The following FTO variants were observed in gnomAD, a reference collection of about 807,000 sequenced individuals.
The protein encoded by FTO is FTO alpha-ketoglutarate dependent dioxygenase.
Under a neutral mutation model 63.9 loss-of-function variants are expected in FTO, and 47 were observed. The ratio of observed to expected loss-of-function variants is 0.74; its 90% CI spans 0.58 to 0.94. The LOEUF (loss-of-function observed/expected upper bound fraction) is 0.94, where lower values mean the gene tolerates loss of function less well. Ranked by LOEUF, FTO falls within the 40% of genes least tolerant of loss-of-function variation. The pLI, the probability that FTO is intolerant of heterozygous loss-of-function variation, is 0.00. For missense variants in FTO, 562 were observed against 618.1 expected (o/e 0.91, Z 0.96); for synonymous variants, 207 against 224.4 (o/e 0.92, Z 0.69).
intron 4 of FTO, among the ~76,000 whole-genome samples, chr16:53,860,807 T>C (rs2080152521): frequency 6.6e-6 from 1 of 151,834 alleles, no homozygotes; most frequent in African/African-American, 2.4e-5. Flanking sequence ...ATCCAAACAA[T>C]ATCAGTAATT....
chr16:53,891,519 T>C (rs1321648370), intron 7 of FTO, among the ~76,000 whole-genome samples: 2 of 151,932 alleles, frequency 1.3e-5, no homozygotes, highest in South Asian at 2.1e-4. Flanking sequence ...AAATTATCCA[T>C]GTGTGGTGGT....
intron 7 of FTO, among the ~76,000 whole-genome samples, chr16:53,912,165 G>A (rs2081725779): frequency 7.5e-6 from 1 of 134,192 alleles, no homozygotes; most frequent in Non-Finnish European, 1.6e-5. Flanking sequence ...TATAGCTGGG[G>A]GTACTAGGAG....
chr16:53,893,948 G>T (rs1001961445), intron 7 of FTO, among the ~76,000 whole-genome samples: 8 of 152,150 alleles, frequency 5.3e-5, no homozygotes. Context: ...GCCAAGACTG[G>T]ATTATTTTAA....
intron 8 of FTO, among the ~76,000 whole-genome samples, chr16:53,972,875 T>C (rs1266185674): frequency 6.6e-6 from 1 of 152,192 alleles, no homozygotes; most frequent in African/African-American, 2.4e-5. Context: ...TGACAGCCAC[T>C]GTAAAGCCAT....
At chr16:54,029,527 C>T (rs2084784302) in intron 8 of FTO, among the ~76,000 whole-genome samples, 1 of 152,158 alleles carries the variant, frequency 6.6e-6, no homozygotes, top group Non-Finnish European at 1.5e-5. Flanking sequence ...TAAACACAAG[C>T]CACTTTGCAA....
intron 2 of FTO, among the ~76,000 whole-genome samples, chr16:53,820,776 G>A (rs8054859): frequency 0.77 from 116,355 of 151,756 alleles, 44,687 homozygotes; most frequent in African/African-American, 0.82. Context: ...ATGATTTCCA[G>A]TTTCATCCAT....
At chr16:53,882,966 T>C (rs2080878619) in intron 6 of FTO, among the ~76,000 whole-genome samples, 1 of 152,154 alleles carries the variant, frequency 6.6e-6, no homozygotes, top group Non-Finnish European at 1.5e-5. Flanking sequence ...TTGTGCCTGA[T>C]GGGTGTTCTA....
At chr16:53,743,307 T>C (rs1414459912) in intron 1 of FTO, among the ~76,000 whole-genome samples, 1 of 152,162 alleles carries the variant, frequency 6.6e-6, no homozygotes, top group Non-Finnish European at 1.5e-5. Flanking sequence ...CAGTCGATGG[T>C]TGTGGCTTTG....
At chr16:53,706,503 G>T (rs955485039) in intron 1 of FTO, among the ~76,000 whole-genome samples, 5 of 152,052 alleles carry the variant, frequency 3.3e-5, no homozygotes, top group Admixed American at 6.6e-5. Context: ...GTATTTTCTA[G>T]ATTTCATATA....
intron 1 of FTO, among the ~76,000 whole-genome samples, chr16:53,743,353 CAT>C (rs1237334125): frequency 6.6e-6 from 1 of 151,850 alleles, no homozygotes; most frequent in Non-Finnish European, 1.5e-5. Context: ...CTAAATTGGA[CAT>C]AAGGAAGCCT....
At chr16:53,756,007 C>T (rs1456333131) in intron 1 of FTO, among the ~76,000 whole-genome samples, 1 of 152,192 alleles carries the variant, frequency 6.6e-6, no homozygotes, top group Non-Finnish European at 1.5e-5. Flanking sequence ...TCTACACTTG[C>T]AGAAGATGAA....
At chr16:54,072,735 C>T (rs2540767) in intron 8 of FTO, among the ~76,000 whole-genome samples, 1 of 151,980 alleles carries the variant, frequency 6.6e-6, no homozygotes, top group African/African-American at 2.4e-5. Context: ...TCACACTGTC[C>T]CCCATCCTAT....
In FTO at chr16:53,816,702, C is replaced by T. The variant is rs137996499; in HGVS notation, c.123+6485C>T. Among the ~76,000 whole-genome samples the T allele has an allele frequency of 7.7e-3, 1,165 of 152,240 alleles. 9 individuals carry two copies. Among genetic ancestry groups the T allele is most frequent in the Non-Finnish European group, 0.012 (835 of 68,032 alleles). ...TGTATCTAGAGGCCTTCCCTTACCA[C>T]CCTGTGGAAAGTAGGCATACTTACC... On this transcript the variant is annotated intron_variant, in intron 2 of 8. Coordinates refer to ENST00000471389, the MANE Select transcript of FTO (RefSeq NM_001080432.3).
chr16:53,879,767 A>AT, intron 5 of FTO, 77 bp from the exon 6 acceptor site: 3 of 1,546,676 alleles, frequency 1.9e-6, no homozygotes, highest in Non-Finnish European at 2.7e-6. Context: ...AGGGACAAAT[A>AT]TGAACAATCC....
intron 6 of FTO, among the ~76,000 whole-genome samples, chr16:53,885,574 G>T (rs7184895): frequency 0.66 from 99,753 of 152,084 alleles, 33,732 homozygotes; most frequent in East Asian, 0.91. Context: ...TCAGAAAATT[G>T]GTAAGATTGT....
At chr16:53,888,057 A>G (rs897930816) in intron 6 of FTO, 2 of 152,194 alleles carry the variant, frequency 1.3e-5, no homozygotes, top group Non-Finnish European at 2.9e-5. Flanking sequence ...CCCATCAAAC[A>G]TAGTACAGCC....
At chr16:53,760,487 C>T (rs376515731) in intron 1 of FTO, among the ~76,000 whole-genome samples, 1 of 151,990 alleles carries the variant, frequency 6.6e-6, no homozygotes, top group South Asian at 2.1e-4. Context: ...CTCAAGCCGT[C>T]TGCCCGCACT....
chr16:53,942,438 A>G (rs1445653904), intron 8 of FTO, among the ~76,000 whole-genome samples: 8 of 152,324 alleles, frequency 5.3e-5, no homozygotes, highest in African/African-American at 1.9e-4. Context: ...TGACTTTCCT[A>G]GAAGTGAAAT....
chr16:53,908,856 G>A (rs1277082754), intron 7 of FTO, among the ~76,000 whole-genome samples: 1 of 152,214 alleles, frequency 6.6e-6, no homozygotes, highest in African/African-American at 2.4e-5. Context: ...TTGTTGTCCT[G>A]ATGAGAATGT....
Sources: allele counts gnomAD v4.1 joint callset (sites outside exome capture counted in the v4.1 genomes callset), GRCh38; gene constraint gnomAD v4.1.1; transcripts MANE v1.5; gene names NCBI Gene and HGNC (gene_info 2026-07-23, HGNC 2026-07-21).